TMEM50B: variants seen among roughly 807,000 people sequenced by gnomAD.
The protein encoded by TMEM50B is HCV p7-trans-regulated protein 3.
TMEM50B carries 14 observed loss-of-function variants against 23.4 expected under a neutral mutation model. The ratio of observed to expected loss-of-function variants is 0.60; its 90% CI spans 0.39 to 0.93. The LOEUF (loss-of-function observed/expected upper bound fraction) is 0.93. Among genes scored for constraint, TMEM50B ranks in the 40% least tolerant of loss-of-function variants. TMEM50B has a pLI of 0.00. For missense variants in TMEM50B, 159 were observed against 193.0 expected (o/e 0.82, Z 1.04); for synonymous variants, 64 against 62.3 (o/e 1.03, Z -0.13).
intron 5 of TMEM50B, among the ~76,000 whole-genome samples, chr21:33,456,801 C>G (rs2084172218): frequency 6.6e-6 from 1 of 152,100 alleles, no homozygotes; most frequent in African/African-American, 2.4e-5. Context: ...ATGAGTGACT[C>G]TATATAGTGC....
chr21:33,433,340 A>G (rs955537356), intron 8 of TMEM50B, among the ~76,000 whole-genome samples: 1 of 152,228 alleles, frequency 6.6e-6, no homozygotes, highest in African/African-American at 2.4e-5. Context: ...GATTCACAAC[A>G]GCCAAAAGGT....
intron 7 of TMEM50B, among the ~76,000 whole-genome samples, chr21:33,441,428 G>C (rs1268279351): frequency 5.3e-5 from 8 of 152,044 alleles, no homozygotes; most frequent in Non-Finnish European, 1.0e-4. Flanking sequence ...GGAAAACAAA[G>C]GTTCTTAAAG....
At chr21:33,455,117 G>A (rs1026547171) in intron 6 of TMEM50B, among the ~76,000 whole-genome samples, 8 of 151,492 alleles carry the variant, frequency 5.3e-5, no homozygotes, top group Admixed American at 1.3e-4. Context: ...AGACTCCCTC[G>A]CAAAAAATAA....
intron 7 of TMEM50B, among the ~76,000 whole-genome samples, chr21:33,440,123 G>A (rs912631145): frequency 3.3e-5 from 5 of 152,088 alleles, no homozygotes; most frequent in African/African-American, 1.2e-4. Flanking sequence ...CCGTTGACAG[G>A]GCATAATCCA....
rs1485976648 is a variant in TMEM50B, at chr21:33,468,803, A to G, written c.83T>C (p.Val28Ala). The G allele has an allele frequency of 6.2e-7, 1 of 1,613,808 alleles. No individual in the cohort carries two copies. The highest frequency in any genetic ancestry group is 2.2e-5 in the East Asian group (1 of 44,882). Residue 28 changes from valine to alanine, a missense_variant, in exon 2 of 7, where the codon GTT becomes GCT. Physicochemically the swap from Val to Ala is moderately conservative, Grantham distance 64. Coordinates refer to ENST00000542230, the MANE Select transcript of TMEM50B (RefSeq NM_006134.7). ...WSERRNAVAS[V>A]VAGILFFTGW... Reference sequence around the variant, plus strand: ...CTCACTTACCAATATACCTGCGACAACAGATGCCACAGCATTTCTTCTCTC... The same window carrying G: ...CTCACTTACCAATATACCTGCGACAGCAGATGCCACAGCATTTCTTCTCTC...
intron 1 of TMEM50B, among the ~76,000 whole-genome samples, chr21:33,472,648 G>A (rs537855242): frequency 1.1e-4 from 16 of 151,852 alleles, no homozygotes; most frequent in African/African-American, 3.4e-4. Context: ...AGGCTGAGGC[G>A]GGTGGATCAC....
chr21:33,460,579 G>A (rs1315469986), intron 4 of TMEM50B, 74 bp from the exon 5 acceptor site: 12 of 803,658 alleles, frequency 1.5e-5, no homozygotes, highest in Admixed American at 2.7e-5. Context: ...CATAATACTA[G>A]GAGCCCTGTT....
chr21:33,467,603 G>A (rs888349848), intron 2 of TMEM50B, among the ~76,000 whole-genome samples: 2 of 151,938 alleles, frequency 1.3e-5, no homozygotes, highest in African/African-American at 2.4e-5. Context: ...CAGCCTGGAC[G>A]AAAGAACGAG....
intron 1 of TMEM50B, among the ~76,000 whole-genome samples, chr21:33,479,616 G>C (rs2123472196): frequency 6.6e-6 from 1 of 152,264 alleles, no homozygotes; most frequent in Admixed American, 6.5e-5. Context: ...GGTCACGGTC[G>C]GCCCGAAGGG....
chr21:33,473,731 C>T (rs193045641), intron 1 of TMEM50B, among the ~76,000 whole-genome samples: 177 of 151,780 alleles, frequency 1.2e-3, no homozygotes, highest in Non-Finnish European at 2.2e-3. Context: ...AATATATCTT[C>T]ACAATAACTT....
At chr21:33,460,958 G>A (rs114294188) in intron 4 of TMEM50B, among the ~76,000 whole-genome samples, 4 of 152,182 alleles carry the variant, frequency 2.6e-5, no homozygotes, top group African/African-American at 9.7e-5. Context: ...TTCTTTAGGA[G>A]TATATTCAGG....
intron 2 of TMEM50B, among the ~76,000 whole-genome samples, 184 bp from the exon 3 acceptor site, chr21:33,467,306 T>C (rs1384085764): frequency 6.6e-6 from 1 of 152,150 alleles, no homozygotes; most frequent in Non-Finnish European, 1.5e-5. Flanking sequence ...TCAAGCCTGG[T>C]CATCATGGTA....
chr21:33,444,668 A>G (rs1215201321), downstream of TMEM50B, among the ~76,000 whole-genome samples: 1 of 152,006 alleles, frequency 6.6e-6, no homozygotes, highest in East Asian at 1.9e-4. Flanking sequence ...CCTGTACTAT[A>G]GTCCCAGCTA....
At chr21:33,478,192 G>A (rs1248006867) in intron 1 of TMEM50B, among the ~76,000 whole-genome samples, 1 of 151,750 alleles carries the variant, frequency 6.6e-6, no homozygotes, top group African/African-American at 2.4e-5. Context: ...AAAAGGCCAG[G>A]CGCGGTGCCC....
chr21:33,469,005 C>T (rs1026994060), intron 1 of TMEM50B, 79 bp from the exon 2 acceptor site: 7 of 730,692 alleles, frequency 9.6e-6, no homozygotes, highest in Non-Finnish European at 1.6e-5. Flanking sequence ...TTTCTTAAAG[C>T]TTTACACACA....
chr21:33,476,316 G>C (rs1384967553), intron 1 of TMEM50B, among the ~76,000 whole-genome samples: 1 of 152,108 alleles, frequency 6.6e-6, no homozygotes, highest in African/African-American at 2.4e-5. Flanking sequence ...CTGGGAGATG[G>C]AGGTTGCAGT....
At chr21:33,466,491 A>T (rs985311431) in intron 3 of TMEM50B, among the ~76,000 whole-genome samples, 18 of 152,310 alleles carry the variant, frequency 1.2e-4, no homozygotes, top group African/African-American at 4.3e-4. Context: ...CACATTAAAA[A>T]AAATAAAAAT....
chr21:33,436,905 T>C lies in TMEM50B; in HGVS notation c.*2120+2309A>G, dbSNP rs141705742. 3.1e-6 allele frequency: 5 copies of C among 1,613,846 alleles called. No homozygotes were observed. The African/African-American group carries it at 5.3e-5, about 17-fold the overall frequency. The stretch of plus-strand genomic sequence containing the variant: ...CACCAAAGGATGACGTCTGGGACTC[T>C]GTGTCCATTATCTCGTTTCCGGAAA... On this transcript the variant is annotated intron_variant and NMD_transcript_variant, in intron 8 of 8. Coordinates refer to the TMEM50B transcript ENST00000420455.
chr21:33,450,275 A>G lies in TMEM50B; in HGVS notation c.*543T>C, dbSNP rs11088254. On this transcript the variant is annotated 3_prime_UTR_variant, in exon 7 of 7. Transcript: ENST00000542230. ...TGCAGTGGCGCAAACTCAGCTCACT[A>G]CAACCTCTGCCCCCCGGGTTCAAGC... 0.77 allele frequency: 117,256 copies of G among 152,032 alleles called. 45,771 individuals carry two copies. Among genetic ancestry groups the G allele is most frequent in the East Asian group, 0.98 (5,093 of 5,176 alleles). 9.4% of individuals were successfully genotyped at this position (152,032 alleles called of 1,614,324 possible).
Sources: allele counts gnomAD v4.1 joint callset (sites outside exome capture counted in the v4.1 genomes callset), GRCh38; gene constraint gnomAD v4.1.1; transcripts MANE v1.5; gene names NCBI Gene and HGNC (gene_info 2026-07-23, HGNC 2026-07-21).